CCR5AS: variants seen among roughly 807,000 people sequenced by gnomAD.
CCR5AS encodes the protein CCR5 antisense RNA.
Position 46,372,976 on chromosome 3 carries a change from T to A in CCR5AS, n.392-1559A>T, listed in dbSNP as rs751650495. The A allele has an allele frequency of 4.7e-5, 76 of 1,613,632 alleles. No homozygotes were observed. In the Middle Eastern group the frequency reaches 8.2e-4, roughly 17 times the overall value. On this transcript the variant is annotated intron_variant and non_coding_transcript_variant, in intron 2 of 3. Coordinates refer to ENST00000451485, the Ensembl canonical transcript of CCR5AS. Reference sequence around the variant, plus strand: ...TCGGAGCCCTGCCAAAAAATCAATGTGAAGCAAATCGCAGCCCGCCTCCTG... The same window carrying A: ...TCGGAGCCCTGCCAAAAAATCAATGAGAAGCAAATCGCAGCCCGCCTCCTG...
At chr3:46,397,707 G>A (rs1701972451) in intron 1 of CCR5AS, among the ~76,000 whole-genome samples, 1 of 152,242 alleles carries the variant, frequency 6.6e-6, no homozygotes, top group African/African-American at 2.4e-5. Flanking sequence ...CTGAAAGACA[G>A]GGGAGCCTGC....
intron 2 of CCR5AS, chr3:46,374,335 T>A (rs1701722862): frequency 5.4e-6 from 1 of 186,398 alleles, no homozygotes; most frequent in South Asian, 1.9e-4. Flanking sequence ...CAAAATTATT[T>A]CAGAAATGTA....
chr3:46,406,312 T>C (rs1040514172), intron 1 of CCR5AS, among the ~76,000 whole-genome samples: 1 of 152,052 alleles, frequency 6.6e-6, no homozygotes, highest in Non-Finnish European at 1.5e-5. Flanking sequence ...ATCCCCAAAT[T>C]AGGTTAGTCA....
chr3:46,394,373 C>A (rs931030808), intron 1 of CCR5AS, among the ~76,000 whole-genome samples: 1 of 152,148 alleles, frequency 6.6e-6, no homozygotes. Context: ...CAGATTTCGG[C>A]GACTTACTCC....
intron 2 of CCR5AS, among the ~76,000 whole-genome samples, chr3:46,391,589 A>G (rs1360143460): frequency 6.6e-6 from 1 of 152,222 alleles, no homozygotes; most frequent in Non-Finnish European, 1.5e-5. Context: ...AAAGAGCCTA[A>G]ACGCTAACTG....
At chr3:46,374,583 A>G (rs1701725885) in intron 2 of CCR5AS, 1 of 167,176 alleles carries the variant, frequency 6.0e-6, no homozygotes, top group African/African-American at 2.4e-5. Context: ...GAGTTGGATC[A>G]TCTATTGCTG....
At chr3:46,381,029 G>C (rs1314392394) in intron 2 of CCR5AS, among the ~76,000 whole-genome samples, 1 of 152,154 alleles carries the variant, frequency 6.6e-6, no homozygotes, top group Non-Finnish European at 1.5e-5. Context: ...TGTGAATCTA[G>C]ACTTCATTGG....
At chr3:46,396,967 C>T (rs1042407170) in intron 1 of CCR5AS, among the ~76,000 whole-genome samples, 27 of 152,314 alleles carry the variant, frequency 1.8e-4, no homozygotes, top group African/African-American at 6.3e-4. Flanking sequence ...AATAAAATGT[C>T]ACCACCTTGA....
At chr3:46,405,064 G>C (rs771688492) in intron 1 of CCR5AS, among the ~76,000 whole-genome samples, 1 of 152,188 alleles carries the variant, frequency 6.6e-6, no homozygotes, top group South Asian at 2.1e-4. Context: ...CCCTATTATG[G>C]CTTCAGATAT....
intron 1 of CCR5AS, among the ~76,000 whole-genome samples, chr3:46,397,728 G>T (rs1303037348): frequency 6.6e-6 from 1 of 152,222 alleles, no homozygotes; most frequent in Admixed American, 6.5e-5. Context: ...TGTTAATAAG[G>T]TGAGCATCCC....
intron 2 of CCR5AS, among the ~76,000 whole-genome samples, chr3:46,389,846 T>G (rs573275295): frequency 2.0e-5 from 3 of 152,102 alleles, no homozygotes. Context: ...GGTTGGGGTC[T>G]GGGAGATTAA....
chr3:46,374,756 T>A (rs1701729472), intron 2 of CCR5AS: 1 of 167,062 alleles, frequency 6.0e-6, no homozygotes, highest in African/African-American at 2.4e-5. Flanking sequence ...GAGATCCTGG[T>A]TGGTGTTGCA....
At chr3:46,386,087 AT>A (rs954826860) in intron 2 of CCR5AS, among the ~76,000 whole-genome samples, 65 of 150,332 alleles carry the variant, frequency 4.3e-4, no homozygotes, top group African/African-American at 1.5e-3. Context: ...AATATTTTGT[AT>A]TTTTTTTTGT....
At chr3:46,370,474 C>T (rs1205276977) in intron 3 of CCR5AS, among the ~76,000 whole-genome samples, 1 of 152,120 alleles carries the variant, frequency 6.6e-6, no homozygotes, top group Non-Finnish European at 1.5e-5. Flanking sequence ...CCAGGATCCC[C>T]CTCTACATTT....
intron 3 of CCR5AS, among the ~76,000 whole-genome samples, chr3:46,368,570 G>C (rs1010818609): frequency 6.6e-6 from 1 of 152,176 alleles, no homozygotes; most frequent in African/African-American, 2.4e-5. Context: ...GTGCTTCCTT[G>C]TTTCAGCCTG....
intron 2 of CCR5AS, chr3:46,373,964 C>T (rs191297617): frequency 7.4e-5 from 115 of 1,549,600 alleles, no homozygotes; most frequent in African/African-American, 2.5e-4. Flanking sequence ...GCTTGTGACA[C>T]GGACTCAAGT....
intron 2 of CCR5AS, chr3:46,373,622 C>T: frequency 6.2e-7 from 1 of 1,614,064 alleles, no homozygotes; most frequent in South Asian, 1.1e-5. Context: ...TCTTCACCAT[C>T]ATGATTGTTT....
At chr3:46,373,653 T>C in intron 2 of CCR5AS, 2 of 1,614,178 alleles carry the variant, frequency 1.2e-6, no homozygotes, top group Non-Finnish European at 1.7e-6. Context: ...CTGGGCTCCC[T>C]ACAACATTGT....
chr3:46,374,355 A>G (rs1701723014), intron 2 of CCR5AS: 1 of 178,508 alleles, frequency 5.6e-6, no homozygotes, highest in Non-Finnish European at 1.3e-5. Context: ...ACAACTTTTT[A>G]CCTAGTACAA....
Sources: allele counts gnomAD v4.1 joint callset (sites outside exome capture counted in the v4.1 genomes callset), GRCh38; gene constraint gnomAD v4.1.1; transcripts MANE v1.5; gene names NCBI Gene and HGNC (gene_info 2026-07-23, HGNC 2026-07-21).